Variants in FGF14 observed in about 807,000 individuals in gnomAD.
FGF14 encodes fibroblast growth factor 14.
A neutral mutation model predicts 25.5 loss-of-function variants in FGF14; 5 were observed. That is an observed-to-expected ratio of 0.20 (90% CI 0.10 to 0.41). The LOEUF (loss-of-function observed/expected upper bound fraction) is 0.41. FGF14 is among the 10% of genes least tolerant of loss of function. The probability of loss-of-function intolerance (pLI) is 1.00; values close to 1 mark genes in which losing one functional copy is unlikely to be tolerated. For synonymous variants in FGF14, 138 were observed against 118.3 expected (o/e 1.17, Z -1.08); for missense variants, 222 against 320.1 (o/e 0.69, Z 2.34).
intron 1 of FGF14, among the ~76,000 whole-genome samples, chr13:101,968,395 T>G (rs1440859095): frequency 6.6e-6 from 1 of 152,028 alleles, no homozygotes. Context: ...CAGCTTAGGC[T>G]GGGCGTGGTG....
intron 1 of FGF14, among the ~76,000 whole-genome samples, chr13:101,993,312 T>A (rs774107384): frequency 1.3e-5 from 2 of 151,852 alleles, no homozygotes; most frequent in African/African-American, 4.8e-5. Flanking sequence ...ACAAGGAAAT[T>A]TTTTTGCCAG....
chr13:101,848,558 G>A (rs1254510966), intron 3 of FGF14, among the ~76,000 whole-genome samples: 1 of 152,034 alleles, frequency 6.6e-6, no homozygotes, highest in African/African-American at 2.4e-5. Context: ...TTTTAGAGAT[G>A]ATTGGTAAAT....
At chr13:101,938,557 A>C (rs2035249093) in intron 1 of FGF14, among the ~76,000 whole-genome samples, 1 of 152,226 alleles carries the variant, frequency 6.6e-6, no homozygotes. Context: ...CCATTGAGAA[A>C]ATTTTGTTTG....
chr13:102,115,890 T>C (rs1430766638), intron 1 of FGF14, among the ~76,000 whole-genome samples: 1 of 131,210 alleles, frequency 7.6e-6, no homozygotes, highest in Admixed American at 7.4e-5. Flanking sequence ...GGCAGGTGGA[T>C]CACCTGAGGC....
rs868433062 is a variant in FGF14 at position 101,916,462 on chromosome 13, G to A, written c.184C>T (p.Arg62Trp). The part of the protein sequence containing the change: ...RIFGLKKRRL[R>W]RQDPQLKGIV... ...CATGACCCCCACAGACCTTGGCGCCGCAACCTGCGCTTCTTGAGGCCGAAG... is the reference window on the plus strand; with the variant it reads ...CATGACCCCCACAGACCTTGGCGCCACAACCTGCGCTTCTTGAGGCCGAAG... Residue 62 changes from arginine (R) to tryptophan (W), a missense_variant, in exon 1 of 5, where the codon CGG becomes TGG. Coordinates refer to ENST00000376143, the MANE Select transcript of FGF14 (RefSeq NM_004115.4). The A allele has an allele frequency of 3.7e-6, 6 of 1,613,812 alleles. No individual in the cohort carries two copies. The African/African-American group carries it at 4.0e-5, about 11-fold the overall frequency.
chr13:102,288,250 A>AGTTGTG (rs2054203663), intron 1 of FGF14, among the ~76,000 whole-genome samples: 1 of 152,232 alleles, frequency 6.6e-6, no homozygotes, highest in African/African-American at 2.4e-5. Context: ...AACTTGTCAC[A>AGTTGTG]ACTAACAAAT....
In FGF14 at chr13:102,334,492, A is replaced by T. The variant is rs546830192; in HGVS notation, c.208+66979T>A. Among the ~76,000 whole-genome samples the T allele has an allele frequency of 1.5e-3, 224 of 152,290 alleles. 1 individual carries two copies. Among genetic ancestry groups the T allele is most frequent in the Admixed American group, 3.3e-3 (51 of 15,294 alleles). On this transcript the variant is annotated intron_variant, in intron 1 of 4. Transcript: ENST00000376131. ...GCCATGCAGATGATGGCCACTCTTC[A>T]GAAACAGCAGTGTCATGTAGCTCTA...
intron 1 of FGF14, among the ~76,000 whole-genome samples, chr13:102,160,313 C>T (rs1006150166): frequency 3.3e-4 from 50 of 152,086 alleles, no homozygotes; most frequent in Non-Finnish European, 5.6e-4. Flanking sequence ...GGACAACCCC[C>T]TAGATACTGT....
intron 1 of FGF14, among the ~76,000 whole-genome samples, chr13:101,992,068 G>A (rs1406851557): frequency 6.6e-6 from 1 of 152,134 alleles, no homozygotes; most frequent in African/African-American, 2.4e-5. Flanking sequence ...CACAGGCCAG[G>A]AGCAAAGGCT....
At chr13:101,795,957 G>A (rs556862580) in intron 3 of FGF14, among the ~76,000 whole-genome samples, 3 of 151,738 alleles carry the variant, frequency 2.0e-5, no homozygotes, top group South Asian at 2.1e-4. Flanking sequence ...TGCCAAATAC[G>A]ATAGAATTTA....
At chr13:102,260,221 G>A (rs561418970) in intron 1 of FGF14, among the ~76,000 whole-genome samples, 1 of 152,172 alleles carries the variant, frequency 6.6e-6, no homozygotes, top group African/African-American at 2.4e-5. Flanking sequence ...TTTTGAATGG[G>A]TTAACTGGTA....
intron 3 of FGF14, among the ~76,000 whole-genome samples, chr13:101,853,599 C>G (rs2043970444): frequency 6.6e-6 from 1 of 151,956 alleles, no homozygotes; most frequent in African/African-American, 2.4e-5. Context: ...CAGGTGCACA[C>G]TACCACACCT....
At chr13:101,916,407 G>T in intron 1 of FGF14, 46 bp downstream of exon 1, 5 of 1,606,834 alleles carry the variant, frequency 3.1e-6, no homozygotes. Flanking sequence ...TTTAGGCGGG[G>T]AGGGGGCGAC....
intron 1 of FGF14, among the ~76,000 whole-genome samples, chr13:102,003,596 T>C (rs2039620000): frequency 6.6e-6 from 1 of 152,028 alleles, no homozygotes; most frequent in African/African-American, 2.4e-5. Context: ...TATGTTTGAG[T>C]TTTTGTTGTT....
chr13:101,905,543 G>C (rs2032135437), intron 1 of FGF14, among the ~76,000 whole-genome samples: 2 of 152,154 alleles, frequency 1.3e-5, no homozygotes, highest in East Asian at 3.9e-4. Flanking sequence ...CACACGCTGG[G>C]GCCTGTTGGG....
At position 102,026,972 on chromosome 13, in the gene FGF14, T is replaced by C. The variant is rs80200755; in HGVS notation, c.209-151676A>G. Among the ~76,000 whole-genome samples, 409 of 152,144 alleles carry C rather than the reference T, an allele frequency of 2.7e-3. 1 individual carries two copies. Among genetic ancestry groups the C allele is most frequent in the African/African-American group, 9.3e-3 (388 of 41,540 alleles). On this transcript the variant is annotated intron_variant, in intron 1 of 4. Transcript: ENST00000376131. ...AGGTTGACAATTTGAGCTGTCTTTC[T>C]ACCCATTGTAGTAAACTCATAAACC...
chr13:101,891,325 G>T (rs1371664684), intron 1 of FGF14, among the ~76,000 whole-genome samples: 1 of 152,082 alleles, frequency 6.6e-6, no homozygotes, highest in Non-Finnish European at 1.5e-5. Context: ...TTCCAGATGT[G>T]CCCTCTGGAG....
At chr13:102,033,789 T>C (rs2041334393) in intron 1 of FGF14, among the ~76,000 whole-genome samples, 1 of 152,144 alleles carries the variant, frequency 6.6e-6, no homozygotes, top group Non-Finnish European at 1.5e-5. Flanking sequence ...TCGTTTGGTT[T>C]CAGCAAAACA....
intron 3 of FGF14, among the ~76,000 whole-genome samples, chr13:101,730,928 T>A (rs2035768635): frequency 6.6e-6 from 1 of 152,176 alleles, no homozygotes; most frequent in African/African-American, 2.4e-5. Flanking sequence ...GGTTCTCCTG[T>A]GAAAATAAAA....
Sources: gnomAD v4.1 joint callset for allele counts (sites outside exome capture counted in the v4.1 genomes callset) on GRCh38, gnomAD v4.1.1 for gene constraint, MANE v1.5 for transcripts, NCBI Gene and HGNC (gene_info 2026-07-23, HGNC 2026-07-21) for gene names.